PTPN14: variants seen among roughly 807,000 people sequenced by gnomAD.
The protein encoded by PTPN14 is tyrosine-protein phosphatase non-receptor type 14.
In PTPN14, 53 loss-of-function variants were observed where a neutral mutation model predicts 126.8. The observed-to-expected ratio is 0.42, with a 90% CI of 0.34 to 0.53. The LOEUF is 0.53. Ranked by LOEUF, PTPN14 falls within the 20% of genes least tolerant of loss-of-function variation. PTPN14 has a pLI of 0.08. For synonymous variants in PTPN14, 630 were observed against 599.3 expected (o/e 1.05, Z -0.75); for missense variants, 1,257 against 1,552.9 (o/e 0.81, Z 3.20).
At chr1:214,537,261 C>G (rs1262672835) in intron 1 of PTPN14, among the ~76,000 whole-genome samples, 2 of 152,072 alleles carry the variant, frequency 1.3e-5, no homozygotes, top group Non-Finnish European at 2.9e-5. Flanking sequence ...TGGGTACCCC[C>G]GGTAGATACT....
rs547023803 is a variant in PTPN14 at position 214,373,812 on chromosome 1, G to A, written c.2908-973C>T. Among the ~76,000 whole-genome samples the A allele has an allele frequency of 1.9e-3, 283 of 152,240 alleles. 1 individual carries two copies. Among genetic ancestry groups the A allele is most frequent in the African/African-American group, 6.6e-3 (273 of 41,546 alleles). ...TCTGCTGTCACTGCTGCTCTGTGGT[G>A]CCATGCACGGCAGAGATGCTACGAA... On this transcript the variant is annotated intron_variant, in intron 15 of 18. Transcript: ENST00000366956.
chr1:214,411,697 A>G lies in PTPN14; in HGVS notation c.497T>C (p.Val166Ala), dbSNP rs1659312937. 2.0e-6 allele frequency: 3 copies of G among 1,506,730 alleles called. No homozygotes were observed. The highest frequency in any genetic ancestry group is 1.4e-5 in the African/African-American group (1 of 71,766). 93.3% of individuals were successfully genotyped at this position (1,506,730 alleles called of 1,614,324 possible). The change falls in exon 5 of 19, where the codon GTG becomes GCG. Residue 166 changes from valine (V) to alanine (A), a missense_variant. By Grantham distance (64) the Val-to-Ala change is moderately conservative (BLOSUM62 0). This residue lies in a region of PTPN14 where 1,021 missense variants were observed against 1,183.3 expected (regional missense o/e 0.86). Coordinates refer to ENST00000366956, the MANE Select transcript of PTPN14 (RefSeq NM_005401.5). Reference sequence around the variant, plus strand: ...AATTACACTTACCATAGGAAATAGCACATACTCTCTGAGGAAATCTTGAGA... The same window carrying G: ...AATTACACTTACCATAGGAAATAGCGCATACTCTCTGAGGAAATCTTGAGA... ...FDSQDFLREY[V>A]LFPMDLALEE...
At chr1:214,537,098 T>C (rs1219465013) in intron 1 of PTPN14, among the ~76,000 whole-genome samples, 1 of 152,252 alleles carries the variant, frequency 6.6e-6, no homozygotes, top group African/African-American at 2.4e-5. Context: ...TTTAAATATC[T>C]TTCTAATTAG....
In PTPN14 at chr1:214,397,925, G is replaced by A. The variant is rs753456960; in HGVS notation, c.746C>T (p.Ala249Val). 23 of 1,604,824 alleles carry A rather than the reference G, an allele frequency of 1.4e-5. No homozygotes were observed. The South Asian group carries it at 2.0e-4, about 14-fold the overall frequency. ...CAAATAAGACTACCTGTATATTACC[G>A]CTTGTCTTCCAATTCTGTTCCTCAC... ...IFVRNRIGRQ[A>V]VIYRWNDMGN... Residue 249 changes from alanine (A) to valine (V), a missense_variant, in exon 8 of 19, where the codon GCG (alanine) becomes GTG (valine). This residue lies in a region of PTPN14 where 1,021 missense variants were observed against 1,183.3 expected (regional missense o/e 0.86). Coordinates refer to ENST00000366956, the MANE Select transcript of PTPN14 (RefSeq NM_005401.5).
intron 1 of PTPN14, chr1:214,533,303 G>T (rs1416506955): frequency 3.5e-6 from 2 of 578,860 alleles, no homozygotes; most frequent in East Asian, 4.1e-5. Context: ...CTGGAGGCTA[G>T]GGTCACCACC....
At chr1:214,424,020 G>A (rs1659603838) in intron 3 of PTPN14, among the ~76,000 whole-genome samples, 1 of 151,152 alleles carries the variant, frequency 6.6e-6, no homozygotes, top group Non-Finnish European at 1.5e-5. Flanking sequence ...AGTACTGGCC[G>A]GGCACGGTGG....
chr1:214,394,650 C>T (rs573141034), intron 9 of PTPN14, among the ~76,000 whole-genome samples: 20 of 152,316 alleles, frequency 1.3e-4, no homozygotes, highest in Admixed American at 2.0e-4. Context: ...TCAAGTGATC[C>T]ACCGGCCTCG....
intron 3 of PTPN14, among the ~76,000 whole-genome samples, chr1:214,421,042 T>C (rs763111411): frequency 7.2e-5 from 11 of 152,220 alleles, no homozygotes; most frequent in Non-Finnish European, 1.5e-4. Context: ...ATTCAGCAAT[T>C]ATGCTCCTCA....
chr1:214,481,637 T>C (rs181173856), intron 1 of PTPN14, among the ~76,000 whole-genome samples: 1 of 151,468 alleles, frequency 6.6e-6, no homozygotes, highest in African/African-American at 2.4e-5. Context: ...TTCTCAAGAG[T>C]ACTGCTGCTC....
At chr1:214,358,098 C>A in intron 18 of PTPN14, 48 bp from the exon 19 acceptor site, 1 of 1,598,468 alleles carries the variant, frequency 6.3e-7, no homozygotes, top group Admixed American at 1.7e-5. Flanking sequence ...GGAGGCTTCC[C>A]TTTGAGCATT....
chr1:214,401,761 G>T lies in PTPN14; in HGVS notation c.593C>A (p.Pro198Gln). The change falls in exon 7 of 19, where the codon CCA (proline) becomes CAA (glutamine). Residue 198 changes from proline (P) to glutamine (Q), a missense_variant. This residue lies in a region of PTPN14 where 1,021 missense variants were observed against 1,183.3 expected (regional missense o/e 0.86). Coordinates refer to ENST00000366956, the MANE Select transcript of PTPN14 (RefSeq NM_005401.5). ...GATGTACATCAGTTCAGCTTCTGCT[G>T]GCAGGATTCCACTAAAATCAAAATA... ...QEHKAHSGILPAEAELMYINE... is the reference protein window; with the variant it reads ...QEHKAHSGILQAEAELMYINE... 6.3e-7 allele frequency: 1 copy of T among 1,585,826 alleles called. No individual in the cohort carries two copies. The highest frequency in any genetic ancestry group is 8.6e-7 in the Non-Finnish European group (1 of 1,157,020).
At chr1:214,531,499 A>ACACACACACACACACACACAC (rs1655545929) in intron 1 of PTPN14, 1 of 129,556 alleles carries the variant, frequency 7.7e-6, no homozygotes, top group African/African-American at 3.0e-5. Flanking sequence ...AACCCAGCCT[A>ACACACACACACACACACACAC]ACACACACAC....
Position 214,394,909 on chromosome 1 carries a change from A to G in PTPN14, c.836T>C (p.Leu279Pro). ...GTCTGTTGTGCTTACCGTGTGAAAG[A>G]GGGCAGTCTCTTCTTTGTTGATGAG... Reference protein sequence around the residue: ...VELINKEETALFHTDDIENAK... With the variant: ...VELINKEETAPFHTDDIENAK... Residue 279 changes from leucine to proline, a missense_variant, in exon 9 of 19, where the codon CTC becomes CCC. By Grantham distance (98) the Leu-to-Pro change is moderately conservative (BLOSUM62 -3). Around this residue, in one of 3 missense-constraint regions of PTPN14, gnomAD observed 1,021 missense variants for 1,183.3 expected, o/e 0.86. Coordinates refer to ENST00000366956, the MANE Select transcript of PTPN14 (RefSeq NM_005401.5). 15 of 1,612,542 alleles carry G rather than the reference A, an allele frequency of 9.3e-6. No individual in the cohort carries two copies. The highest frequency in any genetic ancestry group is 1.3e-5 in the Non-Finnish European group (15 of 1,178,632).
chr1:214,483,988 T>C (rs6540840), intron 1 of PTPN14, among the ~76,000 whole-genome samples: 139,961 of 152,340 alleles, frequency 0.92, 64,441 homozygotes, highest in African/African-American at 0.98. Context: ...GATAAGCATG[T>C]TATCATTTGT....
At chr1:214,377,727 T>C (rs1658375343) in intron 14 of PTPN14, among the ~76,000 whole-genome samples, 1 of 152,042 alleles carries the variant, frequency 6.6e-6, no homozygotes, top group African/African-American at 2.4e-5. Context: ...GCTGATGGTT[T>C]TAGTCAACCA....
At chr1:214,380,859 C>G (rs1658456273) in intron 13 of PTPN14, among the ~76,000 whole-genome samples, 1 of 152,088 alleles carries the variant, frequency 6.6e-6, no homozygotes, top group African/African-American at 2.4e-5. Context: ...GGGCTCAAAG[C>G]CACTGGCATT....
intron 3 of PTPN14, among the ~76,000 whole-genome samples, chr1:214,445,190 G>C (rs539310220): frequency 5.3e-5 from 8 of 152,208 alleles, no homozygotes; most frequent in Non-Finnish European, 1.2e-4. Context: ...CTGATCCTAA[G>C]AGTAGGGGAT....
At chr1:214,533,263 T>G (rs1220711049) in intron 1 of PTPN14, 1 of 615,886 alleles carries the variant, frequency 1.6e-6, no homozygotes, top group East Asian at 3.7e-5. Context: ...AGCCCAGGAG[T>G]GCGAGGCCCT....
In PTPN14 at chr1:214,349,933, G is replaced by A. The variant is rs1657669693; in HGVS notation, c.*7989C>T. 6.6e-6 allele frequency: 1 copy of A among 152,198 alleles called. No homozygotes were observed. The highest frequency in any genetic ancestry group is 1.5e-5 in the Non-Finnish European group (1 of 68,054). 9.4% of individuals were successfully genotyped at this position (152,198 alleles called of 1,614,324 possible). A position where few individuals can be genotyped will look rare whatever the true frequency, so the allele number is the denominator to read the frequency against. ...CCCCTGAGAAATGCTGAGAATGCCA[G>A]GCACCCCAGTTCTGAGAGCCACCCT... On this transcript the variant is annotated 3_prime_UTR_variant, in exon 19 of 19. Coordinates refer to ENST00000366956, the MANE Select transcript of PTPN14 (RefSeq NM_005401.5).
Sources: allele counts gnomAD v4.1 joint callset (sites outside exome capture counted in the v4.1 genomes callset), GRCh38; gene constraint gnomAD v4.1.1; regional missense constraint gnomAD v4.1.1; transcripts MANE v1.5; gene names NCBI Gene and HGNC (gene_info 2026-07-23, HGNC 2026-07-21).